The following RBFOX1 variants were observed in gnomAD, a reference collection of about 807,000 sequenced individuals.
RBFOX1 encodes the protein RNA binding protein fox-1 homolog 1.
A neutral mutation model predicts 57.7 loss-of-function variants in RBFOX1; 8 were observed. The ratio of observed to expected loss-of-function variants is 0.14; its 90% confidence interval spans 0.08 to 0.25. The LOEUF (loss-of-function observed/expected upper bound fraction) is 0.25. RBFOX1 is among the 10% of genes least tolerant of loss of function. The pLI is 1.00. For missense variants in RBFOX1, 611 were observed against 548.5 expected, an observed-to-expected ratio of 1.11 and a Z score of -1.14; for synonymous variants, 326 against 222.4, an observed-to-expected ratio of 1.47 and a Z score of -4.15.
chr16:6,232,073 G>A (rs545830716), intron 1 of RBFOX1, among the ~76,000 whole-genome samples: 4 of 152,168 alleles, frequency 2.6e-5, no homozygotes, highest in East Asian at 3.9e-4. Context: ...CTATTCCTCC[G>A]TGAGCTTTGT....
chr16:6,063,117 C>G (rs34315978), intron 1 of RBFOX1, among the ~76,000 whole-genome samples: 51,569 of 151,940 alleles, frequency 0.34, 9,220 homozygotes, highest in Non-Finnish European at 0.4. Context: ...TTTGAGCAAA[C>G]AACGGGACAC....
intron 3 of RBFOX1, among the ~76,000 whole-genome samples, chr16:6,991,301 A>G (rs975528319): frequency 6.6e-6 from 1 of 152,106 alleles, no homozygotes; most frequent in South Asian, 2.1e-4. Flanking sequence ...CCTTGTCTCA[A>G]AACAAAAGTT....
chr16:6,007,962 C>G (rs2094937089), intron 4 of RBFOX1, among the ~76,000 whole-genome samples: 1 of 152,136 alleles, frequency 6.6e-6, no homozygotes, highest in South Asian at 2.1e-4. Context: ...TCTGTAATCC[C>G]AACACCTTAG....
intron 2 of RBFOX1, among the ~76,000 whole-genome samples, chr16:5,551,529 C>T (rs1419421766): frequency 6.6e-6 from 1 of 152,202 alleles, no homozygotes; most frequent in African/African-American, 2.4e-5. Flanking sequence ...CCTCCGAATC[C>T]ACTCTGCTTT....
intron 4 of RBFOX1, among the ~76,000 whole-genome samples, chr16:7,073,516 C>G (rs1367832908): frequency 6.6e-6 from 1 of 152,200 alleles, no homozygotes; most frequent in East Asian, 1.9e-4. Context: ...GAAATCCACA[C>G]AATTGAAATG....
At chr16:6,336,238 G>T (rs1253956314) in intron 2 of RBFOX1, among the ~76,000 whole-genome samples, 3 of 109,324 alleles carry the variant, frequency 2.7e-5, no homozygotes, top group African/African-American at 1.0e-4. Flanking sequence ...TCGCTCTGTC[G>T]CCCAGGCTGG....
intron 2 of RBFOX1, among the ~76,000 whole-genome samples, chr16:5,496,828 A>G (rs1433736072): frequency 6.6e-6 from 1 of 152,212 alleles, no homozygotes; most frequent in African/African-American, 2.4e-5. Flanking sequence ...TGCATAAACC[A>G]CAGCCCAAGC....
At chr16:6,362,920 C>T (rs1003509387) in intron 2 of RBFOX1, among the ~76,000 whole-genome samples, 1 of 152,192 alleles carries the variant, frequency 6.6e-6, no homozygotes, top group African/African-American at 2.4e-5. Flanking sequence ...GGTCCCCCTT[C>T]TAAGTGTGTG....
chr16:5,695,695 C>A (rs1316831710), intron 3 of RBFOX1, among the ~76,000 whole-genome samples: 7 of 152,152 alleles, frequency 4.6e-5, no homozygotes, highest in African/African-American at 1.7e-4. Flanking sequence ...ACCCTTTGAC[C>A]TATGCTTGGA....
chr16:6,238,090 C>CAAAAAAAAA (rs368995420), intron 1 of RBFOX1, among the ~76,000 whole-genome samples: 4 of 66,006 alleles, frequency 6.1e-5, no homozygotes, highest in Admixed American at 1.6e-4. Flanking sequence ...GACTCTGTCT[C>CAAAAAAAAA]AAAAAAAAAA....
At chr16:6,049,354 T>C (rs1451759519) in intron 1 of RBFOX1, among the ~76,000 whole-genome samples, 2 of 152,138 alleles carry the variant, frequency 1.3e-5, no homozygotes, top group Non-Finnish European at 2.9e-5. Flanking sequence ...TAAATAAAAC[T>C]TAAAGCATAT....
chr16:5,484,815 G>A (rs1176631036), intron 2 of RBFOX1, among the ~76,000 whole-genome samples: 1 of 151,922 alleles, frequency 6.6e-6, no homozygotes, highest in Non-Finnish European at 1.5e-5. Context: ...AGGAGGCTGA[G>A]GCAGGAGAAT....
chr16:6,765,862 A>T (rs1268579542), intron 3 of RBFOX1, among the ~76,000 whole-genome samples: 1 of 152,216 alleles, frequency 6.6e-6, no homozygotes. Context: ...GGTTTCTTCT[A>T]AGTGAAGTAA....
intron 1 of RBFOX1, among the ~76,000 whole-genome samples, chr16:5,353,792 G>A (rs953191227): frequency 1.3e-5 from 2 of 151,512 alleles, no homozygotes; most frequent in Non-Finnish European, 2.9e-5. Flanking sequence ...ACGTCTCGGG[G>A]GCTACTGTGC....
chr16:7,074,299 T>C (rs1205795684), intron 4 of RBFOX1, among the ~76,000 whole-genome samples: 1 of 152,192 alleles, frequency 6.6e-6, no homozygotes, highest in Non-Finnish European at 1.5e-5. Context: ...AGAAATCGAA[T>C]GAAAACCATA....
At chr16:5,314,689 C>T (rs987223659) in intron 1 of RBFOX1, among the ~76,000 whole-genome samples, 1 of 151,918 alleles carries the variant, frequency 6.6e-6, no homozygotes, top group Non-Finnish European at 1.5e-5. Flanking sequence ...TTTGTAGAGA[C>T]ACGGTCTTGT....
rs199982534 is a variant in RBFOX1, at chr16:6,412,161, C to CA, written c.-64+95113dup. Reference sequence around the variant, plus strand: ...AAAAAAAAACAAAAAAACAAAAAAACAAAAAAAAACATGGCCCTTTCACAG... The same window carrying CA: ...AAAAAAAAACAAAAAAACAAAAAAACAAAAAAAAAACATGGCCCTTTCACAG... On this transcript the variant is annotated intron_variant, in intron 2 of 15. Transcript: ENST00000550418. Among the ~76,000 whole-genome samples, 1,215 of 139,288 alleles carry CA rather than the reference C, an allele frequency of 8.7e-3. 39 individuals are homozygous for CA. Among genetic ancestry groups the CA allele is most frequent in the East Asian group, 0.083 (399 of 4,782 alleles). 91.4% of individuals were successfully genotyped at this position (139,288 alleles called of 152,430 possible).
chr16:5,708,711 C>G (rs889454093), intron 3 of RBFOX1, among the ~76,000 whole-genome samples: 7 of 152,284 alleles, frequency 4.6e-5, no homozygotes, highest in African/African-American at 1.4e-4. Flanking sequence ...AGTGGTATAT[C>G]TGGCACCGGC....
At chr16:5,839,011 G>A (rs1452387253) in intron 3 of RBFOX1, among the ~76,000 whole-genome samples, 1 of 152,136 alleles carries the variant, frequency 6.6e-6, no homozygotes, top group African/African-American at 2.4e-5. Flanking sequence ...AGCTCGCTGG[G>A]GAGTGCTCCT....
Sources: gnomAD v4.1 joint callset for allele counts (sites outside exome capture counted in the v4.1 genomes callset) on GRCh38, gnomAD v4.1.1 for gene constraint, MANE v1.5 for transcripts, NCBI Gene and HGNC (gene_info 2026-07-23, HGNC 2026-07-21) for gene names.